LRRC4C: variants seen among roughly 807,000 people sequenced by gnomAD.
The protein encoded by LRRC4C is leucine rich repeat containing 4C.
A neutral mutation model predicts 33.6 loss-of-function variants in LRRC4C; 5 were observed. The observed-to-expected ratio is 0.15, with a 90% CI of 0.08 to 0.31. The LOEUF is 0.31. Ranked by LOEUF, LRRC4C falls within the 10% of genes least tolerant of loss-of-function variation. The pLI, the probability that LRRC4C is intolerant of heterozygous loss-of-function variation, is 1.00. For synonymous variants in LRRC4C, 329 were observed against 302.0 expected, an observed-to-expected ratio of 1.09 and a Z score of -0.93; for missense variants, 560 against 796.7, an observed-to-expected ratio of 0.70 and a Z score of 3.58.
At chr11:41,438,255 G>T (rs1015502532) in intron 1 of LRRC4C, among the ~76,000 whole-genome samples, 1 of 151,690 alleles carries the variant, frequency 6.6e-6, no homozygotes, top group Non-Finnish European at 1.5e-5. Flanking sequence ...TATTAAACAG[G>T]TATCTATAGT....
At chr11:40,991,709 A>G (rs1425145470) in intron 1 of LRRC4C, among the ~76,000 whole-genome samples, 1 of 152,192 alleles carries the variant, frequency 6.6e-6, no homozygotes, top group African/African-American at 2.4e-5. Context: ...AGGAGCATGG[A>G]ACCAGAACCC....
chr11:40,277,759 C>T lies in LRRC4C; in HGVS notation c.-175-36161G>A, dbSNP rs1943216294. ...AAAAAGGGTGCTTACTGCTTATTTG[C>T]TTGCGGATTCAATGTCTTTACAAAG... is the stretch of plus-strand genomic sequence containing the variant. On this transcript the variant is annotated intron_variant, in intron 4 of 6. Coordinates refer to ENST00000528697, the MANE Select transcript of LRRC4C (RefSeq NM_001258419.2). Among the ~76,000 whole-genome samples the T allele has an allele frequency of 1.3e-5, 2 of 152,148 alleles. 1 individual carries two copies. Among genetic ancestry groups the T allele is most frequent in the Middle Eastern group, 6.8e-3 (2 of 294 alleles).
chr11:40,691,909 G>T (rs4261274), intron 2 of LRRC4C, among the ~76,000 whole-genome samples: 25,044 of 151,942 alleles, frequency 0.16, 2,748 homozygotes, highest in African/African-American at 0.32. Flanking sequence ...GAGGTGCATT[G>T]GATTATTTTT....
intron 1 of LRRC4C, among the ~76,000 whole-genome samples, chr11:41,084,421 TA>T (rs1939803393): frequency 6.6e-6 from 1 of 152,164 alleles, no homozygotes. Flanking sequence ...ATATTAATAT[TA>T]AAAAGTTTTA....
At position 40,980,597 on chromosome 11, in the gene LRRC4C, T is replaced by C. The variant is rs575362972; in HGVS notation, c.-495-46874A>G. On this transcript the variant is annotated intron_variant, in intron 1 of 6. Transcript: ENST00000528697. ...AAAAAAAGTCTAAGCAATTAAAAAA[T>C]GGATGAAGACAGATCAAAAACTGAG... is the stretch of plus-strand genomic sequence containing the variant. Among the ~76,000 whole-genome samples the C allele has an allele frequency of 6.6e-5, 10 of 152,244 alleles. No individual in the cohort carries two copies. The South Asian group carries it at 1.2e-3, about 19-fold the overall frequency.
At chr11:41,104,229 G>C in intron 1 of LRRC4C, among the ~76,000 whole-genome samples, 1 of 151,794 alleles carries the variant, frequency 6.6e-6, no homozygotes. Flanking sequence ...ATCCAAAAAC[G>C]TAAATAACCA....
intron 1 of LRRC4C, among the ~76,000 whole-genome samples, chr11:41,410,361 T>C (rs1954417588): frequency 6.9e-6 from 1 of 145,874 alleles, no homozygotes; most frequent in Admixed American, 7.1e-5. Flanking sequence ...TCTTAATCCC[T>C]TTCAAAAGAT....
chr11:40,918,389 T>C (rs1432058515), intron 2 of LRRC4C, among the ~76,000 whole-genome samples: 1 of 151,512 alleles, frequency 6.6e-6, no homozygotes. Context: ...TATATTTATA[T>C]TTATATTTAT....
At chr11:40,589,375 GCA>G (rs963247763) in intron 3 of LRRC4C, among the ~76,000 whole-genome samples, 1 of 152,024 alleles carries the variant, frequency 6.6e-6, no homozygotes, top group Non-Finnish European at 1.5e-5. Context: ...GTGTGTCTCT[GCA>G]CGTGAGATGG....
At chr11:40,281,178 T>C (rs1943450280) in intron 4 of LRRC4C, among the ~76,000 whole-genome samples, 1 of 152,168 alleles carries the variant, frequency 6.6e-6, no homozygotes, top group African/African-American at 2.4e-5. Context: ...GAGAAAGCCT[T>C]CACAGTTCCA....
At chr11:41,446,728 G>C (rs1955838609) in intron 1 of LRRC4C, among the ~76,000 whole-genome samples, 1 of 152,088 alleles carries the variant, frequency 6.6e-6, no homozygotes, top group South Asian at 2.1e-4. Flanking sequence ...CACTTTCATG[G>C]GGTGTCATAT....
intron 2 of LRRC4C, among the ~76,000 whole-genome samples, chr11:40,750,407 A>G (rs1173546154): frequency 6.6e-6 from 1 of 152,108 alleles, no homozygotes; most frequent in Non-Finnish European, 1.5e-5. Context: ...AAAGAAAAAG[A>G]AAACTAACAA....
chr11:40,135,914 A>C (rs1856937209), intron 6 of LRRC4C, among the ~76,000 whole-genome samples: 1 of 152,232 alleles, frequency 6.6e-6, no homozygotes, highest in South Asian at 2.1e-4. Flanking sequence ...AATTAGGTTA[A>C]ATTATGATAT....
intron 2 of LRRC4C, among the ~76,000 whole-genome samples, chr11:40,745,020 T>C (rs190180594): frequency 6.4e-4 from 98 of 152,242 alleles, no homozygotes; most frequent in African/African-American, 2.3e-3. Flanking sequence ...AGGCATTGCA[T>C]AAAATAATAA....
At chr11:40,974,740 G>T (rs1200192856) in intron 1 of LRRC4C, among the ~76,000 whole-genome samples, 1 of 152,180 alleles carries the variant, frequency 6.6e-6, no homozygotes, top group Non-Finnish European at 1.5e-5. Flanking sequence ...GGGGAAAACT[G>T]CCTGCAGTGT....
At chr11:40,760,779 T>G (rs1359188756) in intron 2 of LRRC4C, among the ~76,000 whole-genome samples, 2 of 105,334 alleles carry the variant, frequency 1.9e-5, no homozygotes, top group Non-Finnish European at 3.9e-5. Context: ...CCTGGCCAAT[T>G]TTTGTGTGTA....
chr11:41,373,616 A>G (rs991882174), intron 1 of LRRC4C, among the ~76,000 whole-genome samples: 1 of 152,146 alleles, frequency 6.6e-6, no homozygotes, highest in African/African-American at 2.4e-5. Flanking sequence ...TCAGGTGGCA[A>G]TGTAGGACTT....
chr11:40,975,295 T>A (rs980542845), intron 1 of LRRC4C, among the ~76,000 whole-genome samples: 1 of 152,212 alleles, frequency 6.6e-6, no homozygotes, highest in African/African-American at 2.4e-5. Flanking sequence ...ATGGTTGTGA[T>A]CTTCCTTCTG....
At chr11:41,149,468 C>G (rs182303797) in intron 1 of LRRC4C, among the ~76,000 whole-genome samples, 130 of 149,180 alleles carry the variant, frequency 8.7e-4, no homozygotes, top group African/African-American at 3.2e-3. Flanking sequence ...CGAGATCCCG[C>G]CACTGCACTC....
Sources: gnomAD v4.1 joint callset for allele counts (sites outside exome capture counted in the v4.1 genomes callset) on GRCh38, gnomAD v4.1.1 for gene constraint, MANE v1.5 for transcripts, NCBI Gene and HGNC (gene_info 2026-07-23, HGNC 2026-07-21) for gene names.